SORCS1: variants seen among roughly 807,000 people sequenced by gnomAD.
SORCS1 encodes VPS10 domain-containing receptor SorCS1.
Under a neutral mutation model 146.1 loss-of-function variants are expected in SORCS1, and 60 were observed. That is an observed-to-expected ratio of 0.41 (90% CI 0.33 to 0.51). The LOEUF (loss-of-function observed/expected upper bound fraction) is 0.51, where lower values mean the gene tolerates loss of function less well. SORCS1 is among the 20% of genes least tolerant of loss of function. SORCS1 has a pLI of 0.21. For synonymous variants in SORCS1, 637 were observed against 584.0 expected, an observed-to-expected ratio of 1.09 and a Z score of -1.31; for missense variants, 1,352 against 1,487.6, an observed-to-expected ratio of 0.91 and a Z score of 1.50.
chr10:106,815,308 G>C (rs906172176), intron 3 of SORCS1, among the ~76,000 whole-genome samples: 5 of 152,132 alleles, frequency 3.3e-5, no homozygotes, highest in Admixed American at 2.0e-4. Flanking sequence ...GGAATAAAGG[G>C]AGGGAGAGAG....
At chr10:106,771,798 A>G (rs12771665) in intron 4 of SORCS1, among the ~76,000 whole-genome samples, 36,589 of 152,134 alleles carry the variant, frequency 0.24, 4,760 homozygotes, top group Non-Finnish European at 0.29. Flanking sequence ...CCAAAGGCAC[A>G]TCCTCACATA....
At chr10:106,880,756 C>G (rs59312759) in intron 2 of SORCS1, among the ~76,000 whole-genome samples, 1 of 152,026 alleles carries the variant, frequency 6.6e-6, no homozygotes, top group African/African-American at 2.4e-5. Context: ...TTTGTGCAAA[C>G]TCAGCTACTA....
At chr10:106,703,088 C>T (rs181867981) in intron 8 of SORCS1, among the ~76,000 whole-genome samples, 88 of 151,772 alleles carry the variant, frequency 5.8e-4, no homozygotes, top group South Asian at 3.7e-3. Context: ...TTTGACCACA[C>T]AACCAAATTC....
chr10:106,934,402 C>CA (rs879364342), intron 2 of SORCS1, among the ~76,000 whole-genome samples: 2,936 of 149,956 alleles, frequency 0.02, 104 homozygotes, highest in African/African-American at 0.069. Context: ...GGACTACAGG[C>CA]GCCACCACCA....
intron 1 of SORCS1, among the ~76,000 whole-genome samples, chr10:107,083,128 A>G (rs964694233): frequency 5.9e-5 from 9 of 151,642 alleles, no homozygotes; most frequent in South Asian, 2.1e-4. Flanking sequence ...AAAAAAAAAA[A>G]AAAGAAAGTC....
At chr10:106,626,207 C>A (rs1564792963) in intron 19 of SORCS1, among the ~76,000 whole-genome samples, 1 of 152,096 alleles carries the variant, frequency 6.6e-6, no homozygotes, top group East Asian at 1.9e-4. Context: ...AGGGTAGGAA[C>A]TGGGGAGGGG....
At chr10:106,596,707 T>A (rs1845926566) in intron 24 of SORCS1, among the ~76,000 whole-genome samples, 1 of 152,204 alleles carries the variant, frequency 6.6e-6, no homozygotes, top group Admixed American at 6.5e-5. Context: ...AGAAAATTCT[T>A]TGTAATATGA....
At chr10:106,824,322 T>C (rs1483066039) in intron 3 of SORCS1, among the ~76,000 whole-genome samples, 1 of 143,960 alleles carries the variant, frequency 6.9e-6, no homozygotes, top group Non-Finnish European at 1.5e-5. Context: ...CTGGGTGTGG[T>C]GGCCCACACC....
At chr10:107,007,445 C>T (rs1422580942) in intron 1 of SORCS1, among the ~76,000 whole-genome samples, 2 of 152,160 alleles carry the variant, frequency 1.3e-5, no homozygotes, top group African/African-American at 4.8e-5. Flanking sequence ...GGAAAGATGT[C>T]CCCTGGCTGA....
At chr10:106,891,616 T>C (rs1951241048) in intron 2 of SORCS1, among the ~76,000 whole-genome samples, 2 of 151,606 alleles carry the variant, frequency 1.3e-5, no homozygotes, top group African/African-American at 4.8e-5. Flanking sequence ...CCTCCCACTT[T>C]GGCCTTCCAA....
At chr10:107,167,321 G>A (rs1970076618), upstream of SORCS1, among the ~76,000 whole-genome samples, 1 of 152,122 alleles carries the variant, frequency 6.6e-6, no homozygotes, top group African/African-American at 2.4e-5. Context: ...ATTTCAAGAT[G>A]TTTTCAATCC....
At chr10:106,771,720 G>A (rs1860034702) in intron 4 of SORCS1, among the ~76,000 whole-genome samples, 1 of 152,170 alleles carries the variant, frequency 6.6e-6, no homozygotes, top group South Asian at 2.1e-4. Flanking sequence ...GTAGCCCCCT[G>A]TCCATTTGAA....
chr10:107,032,834 A>G (rs1958724651), intron 1 of SORCS1, among the ~76,000 whole-genome samples: 1 of 152,156 alleles, frequency 6.6e-6, no homozygotes, highest in African/African-American at 2.4e-5. Flanking sequence ...CTTAAACTAC[A>G]TGATACCCTC....
intron 1 of SORCS1, among the ~76,000 whole-genome samples, chr10:107,041,404 TAAA>T (rs5787703): frequency 1.2e-4 from 17 of 142,110 alleles, no homozygotes; most frequent in Admixed American, 2.1e-4. Context: ...TAAAGGGGAT[TAAA>T]AAAAAAAAAA....
chr10:107,167,384 T>A (rs1217922807), upstream of SORCS1, among the ~76,000 whole-genome samples: 1 of 152,240 alleles, frequency 6.6e-6, no homozygotes, highest in Non-Finnish European at 1.5e-5. Context: ...ATAATAAGAA[T>A]GAGTCATTTG....
At chr10:107,126,287 A>G (rs1966706767) in intron 1 of SORCS1, among the ~76,000 whole-genome samples, 1 of 152,154 alleles carries the variant, frequency 6.6e-6, no homozygotes, top group Admixed American at 6.5e-5. Flanking sequence ...TTTTAAAATT[A>G]CAAGTAAACA....
Position 106,807,509 on chromosome 10 carries a change from T to C in SORCS1, c.726+22065A>G, listed in dbSNP as rs138220743. On this transcript the variant is annotated intron_variant, in intron 3 of 25. Transcript: ENST00000263054. Reference sequence around the variant, plus strand: ...TCCATGCAAGAAAAGTAATTTCTCTTGGTTGGTGATTTCTGGCTGTGGTTT... The same window carrying C: ...TCCATGCAAGAAAAGTAATTTCTCTCGGTTGGTGATTTCTGGCTGTGGTTT... Among the ~76,000 whole-genome samples the C allele has an allele frequency of 5.1e-4, 77 of 152,312 alleles. No homozygotes were observed. The East Asian group carries it at 0.014, about 28-fold the overall frequency.
intron 1 of SORCS1, among the ~76,000 whole-genome samples, chr10:107,085,851 A>G (rs1308937509): frequency 6.6e-6 from 1 of 152,224 alleles, no homozygotes; most frequent in Non-Finnish European, 1.5e-5. Context: ...AGGCAACTGC[A>G]TTGAAGACAC....
intron 2 of SORCS1, among the ~76,000 whole-genome samples, chr10:106,941,838 A>G (rs1249631799): frequency 2.6e-5 from 4 of 152,248 alleles, no homozygotes; most frequent in African/African-American, 4.8e-5. Context: ...TGTGTTGACA[A>G]TGGTATCACA....
Sources: gnomAD v4.1 joint callset for allele counts (sites outside exome capture counted in the v4.1 genomes callset) on GRCh38, gnomAD v4.1.1 for gene constraint, MANE v1.5 for transcripts, NCBI Gene and HGNC (gene_info 2026-07-23, HGNC 2026-07-21) for gene names.